ANKHD1: variants seen among roughly 807,000 people sequenced by gnomAD.
ANKHD1 encodes the protein ankyrin repeat and KH domain containing 1.
Under a neutral mutation model 230.5 loss-of-function variants are expected in ANKHD1, and 31 were observed. The ratio of observed to expected loss-of-function variants is 0.13; its 90% CI spans 0.10 to 0.18. The LOEUF is 0.18. Among genes scored for constraint, ANKHD1 ranks in the 10% least tolerant of loss-of-function variants. The pLI is 1.00. For synonymous variants in ANKHD1, 1,074 were observed against 1,117.6 expected (o/e 0.96, Z 0.78); for missense variants, 2,256 against 3,071.3 (o/e 0.73, Z 6.27).
At chr5:140,414,064 A>C (rs1266810763) in intron 1 of ANKHD1, among the ~76,000 whole-genome samples, 3 of 152,118 alleles carry the variant, frequency 2.0e-5, no homozygotes, top group Non-Finnish European at 4.4e-5. Flanking sequence ...TACAGGTGTG[A>C]GCCACTGTGC....
chr5:140,486,767 A>C (rs1751521631), intron 13 of ANKHD1, 191 bp from the exon 14 acceptor site: 2 of 424,650 alleles, frequency 4.7e-6, no homozygotes, highest in Admixed American at 7.6e-5. Context: ...CTATTTGTAG[A>C]TTCCCCGACT....
intron 10 of ANKHD1, among the ~76,000 whole-genome samples, chr5:140,470,522 T>C (rs746785414): frequency 4.6e-5 from 7 of 151,686 alleles, no homozygotes; most frequent in Non-Finnish European, 8.8e-5. Flanking sequence ...ATTATGTTTA[T>C]GTCTAATACA....
At position 140,446,649 on chromosome 5, in the gene ANKHD1, C is replaced by T. The variant is rs916745965; in HGVS notation, c.1147+674C>T. ...CCTCCCAAAGTGCTGGGATTACAGGCGTGAGCCAGCACACCCAGCTAAAGA... is the reference window on the plus strand; with the variant it reads ...CCTCCCAAAGTGCTGGGATTACAGGTGTGAGCCAGCACACCCAGCTAAAGA... On this transcript the variant is annotated intron_variant, in intron 6 of 33. Coordinates refer to ENST00000360839, the MANE Select transcript of ANKHD1 (RefSeq NM_017747.3). Among the ~76,000 whole-genome samples the T allele has an allele frequency of 5.3e-5, 8 of 152,198 alleles. No homozygotes were observed. In the South Asian group the frequency reaches 1.0e-3, roughly 20 times the overall value.
chr5:140,471,386 C>T (rs1047109895), intron 10 of ANKHD1, among the ~76,000 whole-genome samples: 3 of 152,058 alleles, frequency 2.0e-5, no homozygotes, highest in Non-Finnish European at 4.4e-5. Context: ...GCTTATTATT[C>T]GTATTTTAAT....
Position 140,445,792 on chromosome 5 carries a change from A to C in ANKHD1, c.964A>C (p.Lys322Gln), listed in dbSNP as rs776123607. ...TGCTGGAGGATTTGTTGACATTGTT[A>C]AAGTGCTCCTTAATGAAGGTGCAAA... ...ACAGGFVDIV[K>Q]VLLNEGANIE... Residue 322 changes from lysine to glutamine, a missense_variant, in exon 6 of 34, where the codon AAA (lysine) becomes CAA (glutamine). Coordinates refer to ENST00000360839, the MANE Select transcript of ANKHD1 (RefSeq NM_017747.3). 3 of 1,612,828 alleles carry C rather than the reference A, an allele frequency of 1.9e-6. No homozygotes were observed. In the Admixed American group the frequency reaches 5.0e-5, roughly 27 times the overall value.
chr5:140,462,348 C>T (rs1348705378), intron 9 of ANKHD1, among the ~76,000 whole-genome samples: 1 of 151,972 alleles, frequency 6.6e-6, no homozygotes, highest in Non-Finnish European at 1.5e-5. Flanking sequence ...TCTTTTATTC[C>T]TTCTTTGTTT....
At chr5:140,405,841 C>T (rs2126834618) in intron 1 of ANKHD1, among the ~76,000 whole-genome samples, 1 of 152,252 alleles carries the variant, frequency 6.6e-6, no homozygotes, top group East Asian at 1.9e-4. Context: ...TCACGTTGGC[C>T]AGGCTGGTCT....
At chr5:140,412,575 A>G (rs1221458992) in intron 1 of ANKHD1, among the ~76,000 whole-genome samples, 2 of 152,242 alleles carry the variant, frequency 1.3e-5, no homozygotes, top group African/African-American at 4.8e-5. Context: ...ACTTAATTGG[A>G]AAGTTCAGGT....
rs1753604116 is a variant in ANKHD1, at chr5:140,526,303, C to G, written c.4800C>G (p.Asp1600Glu). Residue 1600 changes from aspartate (D) to glutamate (E), a missense_variant, in exon 26 of 34, where the codon GAC becomes GAG. Asp to Glu is a conservative substitution (Grantham distance 45, BLOSUM62 2). Coordinates refer to ENST00000360839, the MANE Select transcript of ANKHD1 (RefSeq NM_017747.3). ...NSDSDNLDST[D>E]CNSESSSGGK... ...ATTCAGATAACTTGGACAGCACAGACTGCAACAGTGAGAGTAGCAGTGGTG... is the reference window on the plus strand; with the variant it reads ...ATTCAGATAACTTGGACAGCACAGAGTGCAACAGTGAGAGTAGCAGTGGTG... 6.2e-7 allele frequency: 1 copy of G among 1,614,080 alleles called. No homozygotes were observed. The highest frequency in any genetic ancestry group is 1.3e-5 in the African/African-American group (1 of 74,928).
At position 140,475,149 on chromosome 5, in the gene ANKHD1, A is replaced by T. The variant is rs181527597; in HGVS notation, c.1783-7431A>T. 1.1e-4 allele frequency among the ~76,000 whole-genome samples: 17 copies of T among 152,300 alleles called. No individual in the cohort carries two copies. In the East Asian group the frequency reaches 2.9e-3, roughly 26 times the overall value. On this transcript the variant is annotated intron_variant, in intron 10 of 33. Coordinates refer to ENST00000360839, the MANE Select transcript of ANKHD1 (RefSeq NM_017747.3). The stretch of plus-strand genomic sequence containing the variant: ...TCAGCTCTCTCCAGGTTGTTTAAAT[A>T]TAAGTACAAATGACTTCAGTCAAGA...
chr5:140,521,032 T>C (rs1320602812), intron 24 of ANKHD1, among the ~76,000 whole-genome samples: 4 of 152,146 alleles, frequency 2.6e-5, no homozygotes, highest in Non-Finnish European at 5.9e-5. Context: ...CTCAGTCTGC[T>C]TACCTGGAAA....
At chr5:140,472,570 C>A in intron 10 of ANKHD1, 1 of 683,180 alleles carries the variant, frequency 1.5e-6, no homozygotes, top group Non-Finnish European at 2.0e-6. Context: ...CTTTTACATT[C>A]TCCTTTATTG....
At chr5:140,434,619 C>T (rs1170175415) in intron 1 of ANKHD1, among the ~76,000 whole-genome samples, 1 of 151,546 alleles carries the variant, frequency 6.6e-6, no homozygotes. Context: ...TGTTTTGAAT[C>T]TTGTGTATTT....
chr5:140,418,332 G>A lies in ANKHD1; in HGVS notation c.306+16059G>A, dbSNP rs187266634. Among the ~76,000 whole-genome samples, 363 of 151,874 alleles carry A rather than the reference G, an allele frequency of 2.4e-3. No individual in the cohort carries two copies. The Middle Eastern group carries it at 0.034, about 14-fold the overall frequency. The stretch of plus-strand genomic sequence containing the variant: ...TAATTTGTTTTTTGTATTTTTTGTA[G>A]AGTCAGGGTTTTGTCATGTTGCCCA... On this transcript the variant is annotated intron_variant, in intron 1 of 33. Transcript: ENST00000360839.
At chr5:140,437,581 C>G (rs764485380) in intron 2 of ANKHD1, among the ~76,000 whole-genome samples, 1 of 152,178 alleles carries the variant, frequency 6.6e-6, no homozygotes, top group Admixed American at 6.5e-5. Context: ...CGGCGCACCC[C>G]TGTAATCCCA....
At chr5:140,475,329 C>T (rs937569601) in intron 10 of ANKHD1, among the ~76,000 whole-genome samples, 3 of 152,220 alleles carry the variant, frequency 2.0e-5, no homozygotes, top group East Asian at 1.9e-4. Flanking sequence ...TAAAAAAATA[C>T]ACAATGGGGG....
intron 10 of ANKHD1, among the ~76,000 whole-genome samples, chr5:140,467,236 C>T (rs1034422012): frequency 1.3e-5 from 2 of 151,994 alleles, no homozygotes; most frequent in African/African-American, 2.4e-5. Context: ...TTTCATTTTT[C>T]ACTATTACAA....
At chr5:140,451,506 CTTTA>C (rs1774729349) in intron 7 of ANKHD1, among the ~76,000 whole-genome samples, 1 of 152,042 alleles carries the variant, frequency 6.6e-6, no homozygotes, top group South Asian at 2.1e-4. Context: ...ACTAAGGTTT[CTTTA>C]TTTAATTCTT....
chr5:140,458,571 A>AC (rs1775396856), intron 7 of ANKHD1, 54 bp from the exon 8 acceptor site: 1 of 1,553,760 alleles, frequency 6.4e-7, no homozygotes, highest in Admixed American at 1.9e-5. Context: ...CACTTAAAAA[A>AC]ATCTCAAAAC....
Sources: gnomAD v4.1 joint callset for allele counts (sites outside exome capture counted in the v4.1 genomes callset) on GRCh38, gnomAD v4.1.1 for gene constraint, MANE v1.5 for transcripts, NCBI Gene and HGNC (gene_info 2026-07-23, HGNC 2026-07-21) for gene names.